Variants in MAST4 observed in about 807,000 individuals in gnomAD.
MAST4 encodes the protein microtubule-associated serine/threonine-protein kinase 4.
MAST4 carries 89 observed loss-of-function variants against 162.7 expected under a neutral mutation model. The ratio of observed to expected loss-of-function variants is 0.55; its 90% CI spans 0.46 to 0.65. The LOEUF is 0.65. MAST4 is among the 30% of genes least tolerant of loss of function. MAST4 has a pLI of 0.00. For synonymous variants in MAST4, 1,479 were observed against 1,361.1 expected, an observed-to-expected ratio of 1.09 and a Z score of -1.91; for missense variants, 3,153 against 3,374.0, an observed-to-expected ratio of 0.93 and a Z score of 1.62.
intron 1 of MAST4, among the ~76,000 whole-genome samples, chr5:66,679,701 C>T (rs569927094): frequency 4.6e-5 from 7 of 152,098 alleles, no homozygotes; most frequent in African/African-American, 1.4e-4. Context: ...GTTGGCTTCT[C>T]GGTGAGGGTG....
intron 3 of MAST4, among the ~76,000 whole-genome samples, chr5:66,817,604 T>C (rs928467089): frequency 4.6e-5 from 7 of 152,242 alleles, no homozygotes; most frequent in Non-Finnish European, 1.0e-4. Flanking sequence ...CAATTTATTA[T>C]AGCATTAAAA....
chr5:66,828,040 G>A (rs920234051), intron 3 of MAST4, among the ~76,000 whole-genome samples: 4 of 152,168 alleles, frequency 2.6e-5, no homozygotes, highest in African/African-American at 9.7e-5. Context: ...CTATACATAG[G>A]TTAAATATTC....
chr5:66,973,060 TCC>T (rs1199079930), intron 4 of MAST4, among the ~76,000 whole-genome samples: 1 of 152,170 alleles, frequency 6.6e-6, no homozygotes, highest in Admixed American at 6.5e-5. Context: ...TTTCTCCCCT[TCC>T]TTCTCTCTTA....
In MAST4 at chr5:67,090,148, TTC is replaced by T. The variant is rs1763670287; in HGVS notation, c.764-10_764-9del. 1 of 1,583,674 alleles carries T rather than the reference TTC, an allele frequency of 6.3e-7. No homozygotes were observed. The highest frequency in any genetic ancestry group is 1.1e-5 in the South Asian group (1 of 89,532). ...AAATCATGTAGTAAATTTCTCTCTT[TTC>T]TCTTTCTCTAGGAAATAGCCCTCAA... is the stretch of plus-strand genomic sequence containing the variant. On this transcript the variant is annotated splice_polypyrimidine_tract_variant and intron_variant, in intron 5 of 28. Coordinates refer to ENST00000403625, the MANE Select transcript of MAST4 (RefSeq NM_001164664.2).
chr5:66,846,357 C>T (rs1470780662), intron 3 of MAST4, among the ~76,000 whole-genome samples: 1 of 152,082 alleles, frequency 6.6e-6, no homozygotes, highest in Non-Finnish European at 1.5e-5. Context: ...GTGATGAGTT[C>T]CACATATCCA....
intron 4 of MAST4, among the ~76,000 whole-genome samples, chr5:66,911,869 C>T (rs1480475733): frequency 6.6e-6 from 1 of 152,056 alleles, no homozygotes; most frequent in African/African-American, 2.4e-5. Context: ...ATGCTTTATG[C>T]TCTTTATAGT....
intron 1 of MAST4, among the ~76,000 whole-genome samples, chr5:66,719,419 A>G (rs563117345): frequency 3.4e-4 from 52 of 152,342 alleles, no homozygotes; most frequent in African/African-American, 1.2e-3. Flanking sequence ...TCCTATTTGT[A>G]AACTATCAGC....
chr5:67,128,183 A>G (rs1208802010), intron 14 of MAST4, among the ~76,000 whole-genome samples: 1 of 152,226 alleles, frequency 6.6e-6, no homozygotes, highest in Non-Finnish European at 1.5e-5. Context: ...TTCCCTTTTT[A>G]TACTCATGTT....
intron 24 of MAST4, among the ~76,000 whole-genome samples, chr5:67,150,294 A>G (rs1376766599): frequency 2.0e-5 from 3 of 152,246 alleles, no homozygotes; most frequent in African/African-American, 4.8e-5. Flanking sequence ...ATATCACTCA[A>G]ATGACAGCAA....
chr5:67,099,941 C>T (rs896113662), intron 7 of MAST4, among the ~76,000 whole-genome samples: 7 of 152,128 alleles, frequency 4.6e-5, no homozygotes, highest in African/African-American at 7.2e-5. Context: ...TAATCCCTCC[C>T]GTTTTACTCA....
At chr5:67,098,488 A>G (rs914581205) in intron 7 of MAST4, among the ~76,000 whole-genome samples, 1 of 152,296 alleles carries the variant, frequency 6.6e-6, no homozygotes, top group African/African-American at 2.4e-5. Context: ...TTTTCTGCTG[A>G]AAGTACAGAA....
At chr5:66,650,701 C>A (rs1213652673) in intron 1 of MAST4, among the ~76,000 whole-genome samples, 5 of 152,088 alleles carry the variant, frequency 3.3e-5, no homozygotes, top group African/African-American at 9.7e-5. Flanking sequence ...AGTGGGTTAG[C>A]CCAAATACAC....
intron 14 of MAST4, among the ~76,000 whole-genome samples, chr5:67,122,351 T>C (rs928892576): frequency 6.6e-6 from 1 of 152,224 alleles, no homozygotes; most frequent in Non-Finnish European, 1.5e-5. Flanking sequence ...CTTAAGAACT[T>C]AAATATTTGT....
chr5:66,939,075 T>C (rs1028557266), intron 4 of MAST4, among the ~76,000 whole-genome samples: 1 of 152,132 alleles, frequency 6.6e-6, no homozygotes, highest in Admixed American at 6.6e-5. Flanking sequence ...AGTTAGAACA[T>C]ATGGACTTAA....
intron 3 of MAST4, among the ~76,000 whole-genome samples, chr5:66,888,004 C>T (rs551347544): frequency 4.0e-5 from 6 of 151,192 alleles, no homozygotes; most frequent in Non-Finnish European, 7.4e-5. Context: ...GTCAGGAGAT[C>T]GAGACCATCC....
At chr5:66,857,388 G>T (rs1344703509) in intron 3 of MAST4, among the ~76,000 whole-genome samples, 2 of 152,206 alleles carry the variant, frequency 1.3e-5, no homozygotes, top group Admixed American at 1.3e-4. Context: ...ATTGCTTGCT[G>T]TCTGTAGGTG....
rs531176912 is a variant in MAST4, at chr5:66,967,178, A to G, written c.674+67196A>G. Among the ~76,000 whole-genome samples the G allele has an allele frequency of 7.2e-5, 11 of 152,262 alleles. No homozygotes were observed. The East Asian group carries it at 1.2e-3, about 16-fold the overall frequency. On this transcript the variant is annotated intron_variant, in intron 4 of 28. Transcript: ENST00000403625. ...GGTGGGGCTTAAAGGTCTAGGACAG[A>G]GTGGTGGTGGTGAGTATCACAGTGT...
chr5:66,656,154 G>C (rs1458947853), intron 1 of MAST4, among the ~76,000 whole-genome samples: 1 of 152,198 alleles, frequency 6.6e-6, no homozygotes, highest in African/African-American at 2.4e-5. Context: ...GCACAAGGGG[G>C]CCTGGTACAG....
chr5:67,167,306 T>C lies in MAST4; in HGVS notation c.*255T>C, dbSNP rs1774175077. Reference sequence around the variant, plus strand: ...AAAAAAAAAAAAATTACCTTTACAGTTGAGGGTTGTTGAGGAAAATGATTT... The same window carrying C: ...AAAAAAAAAAAAATTACCTTTACAGCTGAGGGTTGTTGAGGAAAATGATTT... On this transcript the variant is annotated 3_prime_UTR_variant, in exon 29 of 29. Coordinates refer to ENST00000403625, the MANE Select transcript of MAST4 (RefSeq NM_001164664.2). The C allele has an allele frequency of 3.0e-6, 1 of 332,500 alleles. No individual in the cohort carries two copies. The highest frequency in any genetic ancestry group is 2.2e-5 in the African/African-American group (1 of 46,394). 20.6% of individuals were successfully genotyped at this position (332,500 alleles called of 1,614,324 possible).
Sources: allele counts gnomAD v4.1 joint callset (sites outside exome capture counted in the v4.1 genomes callset), GRCh38; gene constraint gnomAD v4.1.1; transcripts MANE v1.5; gene names NCBI Gene and HGNC (gene_info 2026-07-23, HGNC 2026-07-21).